ABLIM1: variants seen among roughly 807,000 people sequenced by gnomAD.
The protein encoded by ABLIM1 is actin binding LIM protein 1.
In ABLIM1, 40 loss-of-function variants were observed where a neutral mutation model predicts 107.0. The ratio of observed to expected loss-of-function variants is 0.37; its 90% CI spans 0.29 to 0.49. The LOEUF (loss-of-function observed/expected upper bound fraction) is 0.49, where lower values mean the gene tolerates loss of function less well. Ranked by LOEUF, ABLIM1 falls within the 20% of genes least tolerant of loss-of-function variation. The pLI is 0.97. For missense variants in ABLIM1, 857 were observed against 1,008.5 expected (o/e 0.85, Z 2.04); for synonymous variants, 357 against 357.3 (o/e 1.00, Z 0.01).
rs565185621 is a variant in ABLIM1 at position 114,535,138 on chromosome 10, T to C, written c.894+9867A>G. Among the ~76,000 whole-genome samples the C allele has an allele frequency of 2.0e-4, 30 of 152,290 alleles. No individual in the cohort carries two copies. In the South Asian group the frequency reaches 4.4e-3, roughly 22 times the overall value. On this transcript the variant is annotated intron_variant, in intron 6 of 22. Transcript: ENST00000533213. ...AGTAAAGTGTTGCAAAACCAACTCA[T>C]CACAAACCATACATTGGATTTCAAC...
intron 2 of ABLIM1, among the ~76,000 whole-genome samples, chr10:114,601,217 A>G (rs1380303210): frequency 1.3e-5 from 2 of 152,068 alleles, no homozygotes; most frequent in Admixed American, 1.3e-4. Context: ...GAGAAAAAGA[A>G]AAAATAAGGC....
At chr10:114,448,234 T>A (rs2061339643) in intron 14 of ABLIM1, among the ~76,000 whole-genome samples, 1 of 152,256 alleles carries the variant, frequency 6.6e-6, no homozygotes. Flanking sequence ...AGCTTCATTC[T>A]ACATGTGTTC....
chr10:114,647,709 A>C (rs2079068893), intron 1 of ABLIM1, among the ~76,000 whole-genome samples: 1 of 152,208 alleles, frequency 6.6e-6, no homozygotes, highest in Admixed American at 6.5e-5. Context: ...TTTGTGAGCT[A>C]GATTTTTCTG....
chr10:114,437,763 A>G, intron 22 of ABLIM1, 81 bp downstream of exon 22: 2 of 1,209,430 alleles, frequency 1.7e-6, no homozygotes, highest in Non-Finnish European at 2.4e-6. Context: ...TTCACTGAAG[A>G]AATAAAACAT....
intron 1 of ABLIM1, among the ~76,000 whole-genome samples, chr10:114,716,853 A>G (rs2081679407): frequency 2.0e-5 from 3 of 152,080 alleles, no homozygotes; most frequent in Non-Finnish European, 4.4e-5. Flanking sequence ...AAAAAAAAAA[A>G]AAAAAAAAGC....
At position 114,609,006 on chromosome 10, in the gene ABLIM1, C is replaced by CA. The variant is rs111238539; in HGVS notation, c.245-7046dup. Among the ~76,000 whole-genome samples the CA allele has an allele frequency of 1.5e-3, 200 of 133,496 alleles. 2 individuals carry two copies. Among genetic ancestry groups the CA allele is most frequent in the Admixed American group, 2.0e-3 (26 of 13,188 alleles). 87.6% of individuals were successfully genotyped at this position (133,496 alleles called of 152,430 possible). ...CTCTAGCCTGGGTGAGACTCTGCCT[C>CA]AAAAAAAAAAAAAAGTTCCAAATAG... On this transcript the variant is annotated intron_variant, in intron 1 of 22. Coordinates refer to ENST00000533213, the MANE Select transcript of ABLIM1 (RefSeq NM_002313.7).
At chr10:114,472,532 CTTTAT>C (rs925689021) in intron 10 of ABLIM1, among the ~76,000 whole-genome samples, 2 of 152,140 alleles carry the variant, frequency 1.3e-5, no homozygotes, top group Non-Finnish European at 2.9e-5. Flanking sequence ...ATGCGCTCTA[CTTTAT>C]TTTTTCTTTC....
intron 2 of ABLIM1, among the ~76,000 whole-genome samples, chr10:114,579,326 G>A (rs979691547): frequency 3.3e-5 from 5 of 152,174 alleles, no homozygotes; most frequent in Non-Finnish European, 7.3e-5. Context: ...TAGCCCTCTG[G>A]ATTGTGGATA....
chr10:114,579,431 C>G (rs1006578571), intron 2 of ABLIM1, among the ~76,000 whole-genome samples: 2 of 152,078 alleles, frequency 1.3e-5, no homozygotes, highest in East Asian at 1.9e-4. Flanking sequence ...TTAAAAATCC[C>G]ATTTTTAGAT....
At chr10:114,603,511 G>A (rs1333381374) in intron 1 of ABLIM1, among the ~76,000 whole-genome samples, 2 of 151,822 alleles carry the variant, frequency 1.3e-5, no homozygotes, top group African/African-American at 4.8e-5. Flanking sequence ...TTGAAAACCT[G>A]TATTTACAAC....
At chr10:114,440,919 T>A in intron 19 of ABLIM1, 98 bp downstream of exon 19, 1 of 1,186,462 alleles carries the variant, frequency 8.4e-7, no homozygotes, top group Non-Finnish European at 1.2e-6. Flanking sequence ...ACTCTAAGGA[T>A]ACAATACAGC....
At chr10:114,638,491 G>T (rs1419929675) in intron 1 of ABLIM1, among the ~76,000 whole-genome samples, 2 of 152,152 alleles carry the variant, frequency 1.3e-5, no homozygotes, top group African/African-American at 4.8e-5. Context: ...ACTGGATGAA[G>T]TACATATTAT....
intron 1 of ABLIM1, among the ~76,000 whole-genome samples, chr10:114,749,589 C>A (rs1345298920): frequency 3.3e-5 from 5 of 152,050 alleles, no homozygotes; most frequent in African/African-American, 9.7e-5. Context: ...TTCAGGTCAA[C>A]ATTTAACCAA....
chr10:114,461,772 T>C (rs2063979419), intron 12 of ABLIM1, among the ~76,000 whole-genome samples: 1 of 151,982 alleles, frequency 6.6e-6, no homozygotes, highest in African/African-American at 2.4e-5. Context: ...TGAGCCAAGT[T>C]TGCACCATTG....
intron 1 of ABLIM1, among the ~76,000 whole-genome samples, chr10:114,636,009 G>C (rs762268769): frequency 3.3e-5 from 5 of 152,240 alleles, no homozygotes; most frequent in Non-Finnish European, 7.3e-5. Context: ...AGCAAGAAGA[G>C]AGAAACCACT....
chr10:114,782,824 A>C, the ABLIM1 span, among the ~76,000 whole-genome samples: 83 of 152,246 alleles, frequency 5.5e-4, no homozygotes, highest in African/African-American at 2.0e-3. Flanking sequence ...AAGAAGAATA[A>C]GATATTTTGG....
intron 6 of ABLIM1, among the ~76,000 whole-genome samples, chr10:114,492,361 T>A (rs2059124962): frequency 2.6e-5 from 4 of 152,162 alleles, no homozygotes; most frequent in Admixed American, 2.6e-4. Flanking sequence ...GTAAAATACA[T>A]CATCCACTGT....
In ABLIM1 at chr10:114,491,831, G is replaced by C. The variant is rs755450440; in HGVS notation, c.942C>G (p.Cys314Trp). ...CCTCTCCTTCTGTGAACATCTGGTTGCATCTGCTGCATCGTGCACAGCTGG... is the reference window on the plus strand; with the variant it reads ...CCTCTCCTTCTGTGAACATCTGGTTCCATCTGCTGCATCGTGCACAGCTGG... ...YHPSCARCSRCNQMFTEGEEM... is the reference protein window; with the variant it reads ...YHPSCARCSRWNQMFTEGEEM... The change falls in exon 7 of 23, where the codon TGC becomes TGG. Residue 314 changes from cysteine to tryptophan, a missense_variant. Coordinates refer to ENST00000533213, the MANE Select transcript of ABLIM1 (RefSeq NM_002313.7). 1.2e-6 allele frequency: 2 copies of C among 1,612,440 alleles called. No individual in the cohort carries two copies. Among genetic ancestry groups the C allele is most frequent in the Non-Finnish European group, 1.7e-6 (2 of 1,178,680 alleles).
At chr10:114,440,926 C>G in intron 19 of ABLIM1, 91 bp downstream of exon 19, 1 of 1,235,234 alleles carries the variant, frequency 8.1e-7, no homozygotes, top group South Asian at 1.3e-5. Context: ...GGATACAATA[C>G]AGCATGAACA....
Sources: gnomAD v4.1 joint callset for allele counts (sites outside exome capture counted in the v4.1 genomes callset) on GRCh38, gnomAD v4.1.1 for gene constraint, MANE v1.5 for transcripts, NCBI Gene and HGNC (gene_info 2026-07-23, HGNC 2026-07-21) for gene names.